Variants in ANKS1B observed in about 807,000 individuals in gnomAD.
ANKS1B encodes ankyrin repeat and sterile alpha motif domain containing 1B, also known as ankyrin repeat and sterile alpha motif domain-containing protein 1B.
Under a neutral mutation model 148.3 loss-of-function variants are expected in ANKS1B, and 36 were observed. The ratio of observed to expected loss-of-function variants is 0.24; its 90% confidence interval spans 0.19 to 0.32. ANKS1B has a LOEUF of 0.32. ANKS1B is among the 10% of genes least tolerant of loss of function. The pLI is 1.00. For missense variants in ANKS1B, 1,157 were observed against 1,542.6 expected (o/e 0.75, Z 4.19); for synonymous variants, 542 against 560.8 (o/e 0.97, Z 0.47).
chr12:98,891,592 C>T (rs969845927), intron 17 of ANKS1B, among the ~76,000 whole-genome samples: 3 of 152,128 alleles, frequency 2.0e-5, no homozygotes, highest in Admixed American at 6.5e-5. Flanking sequence ...AATGCATTCA[C>T]GTAAATGTTC....
intron 12 of ANKS1B, among the ~76,000 whole-genome samples, chr12:99,364,091 G>A (rs1463370011): frequency 6.6e-6 from 1 of 152,018 alleles, no homozygotes; most frequent in African/African-American, 2.4e-5. Context: ...CCCCCAAAAG[G>A]AGAGAGTCCA....
chr12:99,165,402 G>A (rs2077097268), intron 14 of ANKS1B, among the ~76,000 whole-genome samples: 1 of 151,706 alleles, frequency 6.6e-6, no homozygotes, highest in African/African-American at 2.4e-5. Flanking sequence ...AAGTAAAGGA[G>A]AATAAAGAAG....
intron 8 of ANKS1B, among the ~76,000 whole-genome samples, chr12:99,734,455 G>T (rs1168487032): frequency 1.3e-5 from 2 of 152,010 alleles, no homozygotes; most frequent in East Asian, 3.9e-4. Flanking sequence ...CACCACGCAT[G>T]GCTAATTTTT....
At chr12:98,940,227 C>T (rs753678235) in intron 17 of ANKS1B, among the ~76,000 whole-genome samples, 8 of 152,174 alleles carry the variant, frequency 5.3e-5, no homozygotes, top group Non-Finnish European at 1.2e-4. Flanking sequence ...CATGTCTTTG[C>T]TCTCTATGTG....
chr12:99,218,627 C>A (rs2084613845), intron 14 of ANKS1B, among the ~76,000 whole-genome samples: 1 of 152,148 alleles, frequency 6.6e-6, no homozygotes, highest in Non-Finnish European at 1.5e-5. Flanking sequence ...AAGTTAAGAT[C>A]TTGGGTTCTG....
chr12:99,177,153 T>C (rs1030721413), intron 14 of ANKS1B, among the ~76,000 whole-genome samples: 1 of 152,208 alleles, frequency 6.6e-6, no homozygotes, highest in Non-Finnish European at 1.5e-5. Flanking sequence ...GTTCCAAGTC[T>C]TGGCAACAGC....
intron 25 of ANKS1B, among the ~76,000 whole-genome samples, chr12:98,767,483 C>T (rs1455470072): frequency 1.3e-5 from 2 of 152,148 alleles, no homozygotes; most frequent in East Asian, 1.9e-4. Context: ...GTCTCAGCCT[C>T]GCCATGTGCT....
intron 15 of ANKS1B, among the ~76,000 whole-genome samples, chr12:99,122,051 T>C (rs1319895492): frequency 1.3e-5 from 2 of 152,188 alleles, no homozygotes; most frequent in Non-Finnish European, 2.9e-5. Context: ...AATACACTAT[T>C]TGGAGTCAGA....
At chr12:99,034,211 G>T (rs981042941) in intron 17 of ANKS1B, among the ~76,000 whole-genome samples, 21 of 152,366 alleles carry the variant, frequency 1.4e-4, no homozygotes, top group African/African-American at 5.0e-4. Context: ...AACCATGTTT[G>T]TCAGGAAGGC....
chr12:98,891,555 C>A (rs2099752760), intron 17 of ANKS1B, among the ~76,000 whole-genome samples: 1 of 152,108 alleles, frequency 6.6e-6, no homozygotes, highest in African/African-American at 2.4e-5. Flanking sequence ...TGGAACAATG[C>A]ATTATTGACA....
At chr12:99,225,644 G>C (rs952140279) in intron 14 of ANKS1B, among the ~76,000 whole-genome samples, 3 of 152,146 alleles carry the variant, frequency 2.0e-5, no homozygotes, top group African/African-American at 7.2e-5. Context: ...TGAGTCTTCC[G>C]GCCTTCATCT....
chr12:99,165,130 A>G (rs1243179697), intron 14 of ANKS1B, among the ~76,000 whole-genome samples: 18 of 152,048 alleles, frequency 1.2e-4, no homozygotes, highest in Admixed American at 1.2e-3. Flanking sequence ...TTAGACAGGC[A>G]GAAATACTCA....
intron 1 of ANKS1B, among the ~76,000 whole-genome samples, chr12:99,900,209 C>A (rs1170416346): frequency 1.3e-5 from 2 of 149,148 alleles, no homozygotes; most frequent in Non-Finnish European, 3.0e-5. Flanking sequence ...TAACAGTGAT[C>A]TAAAAATCTT....
intron 14 of ANKS1B, among the ~76,000 whole-genome samples, chr12:99,224,883 A>G (rs765185405): frequency 6.6e-6 from 1 of 152,178 alleles, no homozygotes; most frequent in Non-Finnish European, 1.5e-5. Context: ...GGCTCTCCCA[A>G]CATTACTGTT....
chr12:99,344,206 T>C (rs1296705793), intron 12 of ANKS1B, among the ~76,000 whole-genome samples: 8 of 152,210 alleles, frequency 5.3e-5, no homozygotes, highest in African/African-American at 1.7e-4. Context: ...TGTGTGTATA[T>C]GCATGTGTGT....
chr12:99,176,704 T>C (rs1184968435), intron 14 of ANKS1B, among the ~76,000 whole-genome samples: 4 of 152,114 alleles, frequency 2.6e-5, no homozygotes, highest in African/African-American at 4.8e-5. Context: ...CATTCTCAGT[T>C]CACATGAGAT....
At chr12:98,796,034 G>A (rs187681737) in intron 22 of ANKS1B, among the ~76,000 whole-genome samples, 11 of 152,262 alleles carry the variant, frequency 7.2e-5, no homozygotes, top group East Asian at 3.9e-4. Flanking sequence ...TTTTAAGATC[G>A]TCTATTATGA....
chr12:98,947,261 G>T (rs1055263040), intron 17 of ANKS1B, among the ~76,000 whole-genome samples: 31 of 152,152 alleles, frequency 2.0e-4, no homozygotes, highest in Non-Finnish European at 4.6e-4. Context: ...TACTGTGTTG[G>T]GAAAGGATTT....
chr12:98,890,046 A>C (rs1369869856), intron 17 of ANKS1B, among the ~76,000 whole-genome samples: 1 of 152,206 alleles, frequency 6.6e-6, no homozygotes, highest in Non-Finnish European at 1.5e-5. Context: ...TGATCAGAAG[A>C]AGACAGGGAA....
Sources: allele counts gnomAD v4.1 joint callset (sites outside exome capture counted in the v4.1 genomes callset), GRCh38; gene constraint gnomAD v4.1.1; transcripts MANE v1.5; gene names NCBI Gene and HGNC (gene_info 2026-07-23, HGNC 2026-07-21).